Variants in KLF12 observed in about 807,000 individuals in gnomAD.
KLF12 encodes the protein Krueppel-like factor 12.
In KLF12, 9 loss-of-function variants were observed where a neutral mutation model predicts 37.8. The ratio of observed to expected loss-of-function variants is 0.24; its 90% CI spans 0.14 to 0.42. The LOEUF (loss-of-function observed/expected upper bound fraction) is 0.42. KLF12 is among the 10% of genes least tolerant of loss of function. The probability of loss-of-function intolerance (pLI) is 1.00; values close to 1 mark genes in which losing one functional copy is unlikely to be tolerated. For missense variants in KLF12, 411 were observed against 516.0 expected (o/e 0.80, Z 1.97); for synonymous variants, 208 against 202.1 (o/e 1.03, Z -0.25).
chr13:73,851,776 T>C (rs1037046143), intron 3 of KLF12, among the ~76,000 whole-genome samples: 11 of 152,220 alleles, frequency 7.2e-5, no homozygotes, highest in African/African-American at 2.7e-4. Flanking sequence ...TAAAGAAATT[T>C]ACTCTATTTC....
At chr13:73,953,562 T>C (rs1166835068) in intron 2 of KLF12, among the ~76,000 whole-genome samples, 7 of 152,200 alleles carry the variant, frequency 4.6e-5, no homozygotes, top group Admixed American at 4.6e-4. Flanking sequence ...TGTAATGAAA[T>C]AACATCACTG....
chr13:74,014,184 G>A (rs939765047), intron 1 of KLF12, among the ~76,000 whole-genome samples: 8 of 152,162 alleles, frequency 5.3e-5, no homozygotes, highest in Non-Finnish European at 1.0e-4. Context: ...AATATAACTT[G>A]TACTGTGAAA....
At chr13:73,803,309 G>A (rs1882381440) in intron 5 of KLF12, among the ~76,000 whole-genome samples, 1 of 152,102 alleles carries the variant, frequency 6.6e-6, no homozygotes, top group Admixed American at 6.5e-5. Flanking sequence ...TACTCTTTGC[G>A]AGAAGCCCCT....
chr13:73,937,197 A>AG (rs1889980388), intron 3 of KLF12, among the ~76,000 whole-genome samples: 1 of 150,342 alleles, frequency 6.7e-6, no homozygotes, highest in Non-Finnish European at 1.5e-5. Flanking sequence ...TCAAAAAAAA[A>AG]TAAATAAATA....
the KLF12 span, among the ~76,000 whole-genome samples, chr13:74,260,591 A>ATAAGATAAGATAAGATAAG: frequency 1.2e-4 from 13 of 110,972 alleles, no homozygotes; most frequent in African/African-American, 7.6e-4. Flanking sequence ...AATAAAATAA[A>ATAAGATAAGATAAGATAAG]ATAAAATAAA....
intron 6 of KLF12, among the ~76,000 whole-genome samples, chr13:73,760,682 T>C (rs1459425244): frequency 6.6e-6 from 1 of 152,046 alleles, no homozygotes; most frequent in African/African-American, 2.4e-5. Context: ...CCCATAAAGT[T>C]TGTATTATGT....
At chr13:74,142,715 G>A in the KLF12 span, among the ~76,000 whole-genome samples, 1 of 152,116 alleles carries the variant, frequency 6.6e-6, no homozygotes, top group African/African-American at 2.4e-5. Flanking sequence ...GGTACCCTAT[G>A]ATACCTGTAA....
intron 4 of KLF12, among the ~76,000 whole-genome samples, chr13:73,834,375 G>C (rs1200400053): frequency 6.6e-6 from 1 of 152,108 alleles, no homozygotes; most frequent in Non-Finnish European, 1.5e-5. Flanking sequence ...TATTTGAAAA[G>C]GCAGTTTATC....
At chr13:73,987,581 AAAG>A (rs1328778346) in intron 2 of KLF12, among the ~76,000 whole-genome samples, 10 of 151,310 alleles carry the variant, frequency 6.6e-5, no homozygotes, top group Non-Finnish European at 1.0e-4. Flanking sequence ...GGGAAGAGAA[AAAG>A]AAGAAGGGAG....
intron 1 of KLF12, among the ~76,000 whole-genome samples, chr13:74,132,419 C>G (rs1049784594): frequency 3.9e-5 from 6 of 152,180 alleles, no homozygotes; most frequent in Non-Finnish European, 8.8e-5. Flanking sequence ...AGTTGCTCGT[C>G]TCTCCGATGT....
the KLF12 span, among the ~76,000 whole-genome samples, chr13:74,170,123 T>C: frequency 6.6e-6 from 1 of 152,226 alleles, no homozygotes; most frequent in South Asian, 2.1e-4. Flanking sequence ...TTTATGATGA[T>C]GAACTCTCAA....
At chr13:74,096,704 C>T (rs569117291) in intron 1 of KLF12, among the ~76,000 whole-genome samples, 1 of 152,230 alleles carries the variant, frequency 6.6e-6, no homozygotes, top group South Asian at 2.1e-4. Flanking sequence ...AACGTGGTTA[C>T]TGCTTACTAG....
At chr13:73,810,847 C>T (rs946420735) in intron 5 of KLF12, among the ~76,000 whole-genome samples, 2 of 152,000 alleles carry the variant, frequency 1.3e-5, no homozygotes, top group African/African-American at 4.8e-5. Flanking sequence ...CGTGGTGAGT[C>T]AGGGATTAGG....
At chr13:73,833,741 C>A (rs540583319) in intron 4 of KLF12, among the ~76,000 whole-genome samples, 1 of 152,080 alleles carries the variant, frequency 6.6e-6, no homozygotes, top group East Asian at 1.9e-4. Flanking sequence ...TGAAGGGCCA[C>A]GCAACATGGC....
intron 1 of KLF12, among the ~76,000 whole-genome samples, chr13:74,053,679 A>T (rs533419676): frequency 6.6e-6 from 1 of 152,290 alleles, no homozygotes; most frequent in South Asian, 2.1e-4. Context: ...GGAAAATTGG[A>T]CTCAGCACAA....
At chr13:74,153,796 T>C in the KLF12 span, among the ~76,000 whole-genome samples, 1 of 152,234 alleles carries the variant, frequency 6.6e-6, no homozygotes, top group Non-Finnish European at 1.5e-5. Context: ...CCCACTGTCC[T>C]GGGTTTCTAG....
the KLF12 span, among the ~76,000 whole-genome samples, chr13:74,179,988 A>T: frequency 6.6e-6 from 1 of 152,222 alleles, no homozygotes; most frequent in African/African-American, 2.4e-5. Flanking sequence ...TCAGAGCATG[A>T]AGAAATATCA....
At chr13:73,744,033 T>G (rs897715556) in intron 6 of KLF12, among the ~76,000 whole-genome samples, 3 of 152,234 alleles carry the variant, frequency 2.0e-5, no homozygotes, top group African/African-American at 7.2e-5. Flanking sequence ...ACTCTTCTTA[T>G]GTAAGAAAAG....
At chr13:74,069,970 A>C (rs1874135092) in intron 1 of KLF12, among the ~76,000 whole-genome samples, 2 of 152,242 alleles carry the variant, frequency 1.3e-5, no homozygotes, top group Non-Finnish European at 2.9e-5. Context: ...GAGATGACAA[A>C]TATGAAGCTG....
Sources: gnomAD v4.1 joint callset for allele counts (sites outside exome capture counted in the v4.1 genomes callset) on GRCh38, gnomAD v4.1.1 for gene constraint, MANE v1.5 for transcripts, NCBI Gene and HGNC (gene_info 2026-07-23, HGNC 2026-07-21) for gene names.